Variants in BCR observed in about 807,000 individuals in gnomAD.
BCR encodes the protein breakpoint cluster region protein.
Under a neutral mutation model 138.6 loss-of-function variants are expected in BCR, and 58 were observed. The observed-to-expected ratio is 0.42, with a 90% confidence interval of 0.34 to 0.52. The LOEUF is 0.52. BCR is among the 20% of genes least tolerant of loss of function. The pLI, the probability that BCR is intolerant of heterozygous loss-of-function variation, is 0.06. For synonymous variants in BCR, 786 were observed against 730.1 expected, an observed-to-expected ratio of 1.08 and a Z score of -1.23; for missense variants, 1,599 against 1,727.2, an observed-to-expected ratio of 0.93 and a Z score of 1.32.
chr22:23,242,487 G>A (rs1449228206), intron 1 of BCR, among the ~76,000 whole-genome samples: 1 of 152,150 alleles, frequency 6.6e-6, no homozygotes, highest in African/African-American at 2.4e-5. Flanking sequence ...GCCATCCGGT[G>A]TATTTTGGGA....
intron 1 of BCR, among the ~76,000 whole-genome samples, chr22:23,219,504 A>G (rs1287722493): frequency 2.6e-5 from 4 of 152,044 alleles, no homozygotes; most frequent in Admixed American, 6.5e-5. Context: ...CCACTATTGC[A>G]TGGCCAGATT....
intron 1 of BCR, among the ~76,000 whole-genome samples, chr22:23,252,427 C>CTT (rs371986661): frequency 0.022 from 2,614 of 119,056 alleles, 158 homozygotes; most frequent in African/African-American, 0.053. Flanking sequence ...TTTTTCTTTT[C>CTT]TTTTCTTTTT....
Position 23,181,091 on chromosome 22 carries a change from G to A in BCR, c.131G>A (p.Arg44His), listed in dbSNP as rs1356513072. Residue 44 changes from arginine (R) to histidine (H), a missense_variant, in exon 1 of 23, where the codon CGC becomes CAC. Physicochemically the swap from Arg to His is conservative, Grantham distance 29. Transcript: ENST00000305877. ...ELERCKASIRRLEQEVNQERF... is the reference protein window; with the variant it reads ...ELERCKASIRHLEQEVNQERF... ...GAGCGCTGCAAGGCCTCCATTCGGC[G>A]CCTGGAGCAGGAGGTGAACCAGGAG... 13 of 1,514,142 alleles carry A rather than the reference G, an allele frequency of 8.6e-6. No homozygotes were observed. Among genetic ancestry groups the A allele is most frequent in the Middle Eastern group, 1.8e-4 (1 of 5,708 alleles). The allele number at this position is 1,514,142 out of a possible 1,614,324, so 93.8% of individuals were successfully genotyped here.
intron 1 of BCR, among the ~76,000 whole-genome samples, chr22:23,232,201 A>C (rs1403808472): frequency 3.9e-5 from 6 of 152,348 alleles, no homozygotes; most frequent in African/African-American, 1.4e-4. Context: ...CAGGACCCCA[A>C]GTGCTCTAGG....
At chr22:23,263,882 A>G in intron 4 of BCR, 1 of 958,490 alleles carries the variant, frequency 1.0e-6, no homozygotes, top group Non-Finnish European at 1.7e-6. Flanking sequence ...CTATCAGGCC[A>G]TTACTCAGCT....
At chr22:23,275,607 C>T (rs747235994) in intron 8 of BCR, among the ~76,000 whole-genome samples, 42 of 152,294 alleles carry the variant, frequency 2.8e-4, no homozygotes, top group Middle Eastern at 3.4e-3. Context: ...GAGCAACAAC[C>T]GGGCCCTGCC....
At position 23,268,403 on chromosome 22, in the gene BCR, C is replaced by CT. The variant is rs1345002695; in HGVS notation, c.1753-4dup. 1.0e-5 allele frequency: 16 copies of CT among 1,607,366 alleles called. No homozygotes were observed. Among genetic ancestry groups the CT allele is most frequent in the African/African-American group, 2.7e-5 (2 of 74,792 alleles). On this transcript the variant is annotated splice_polypyrimidine_tract_variant and splice_region_variant and intron_variant, in intron 4 of 22. Coordinates refer to ENST00000305877, the MANE Select transcript of BCR (RefSeq NM_004327.4). The stretch of plus-strand genomic sequence containing the variant: ...TCCCACTCTCTCTTCCTTCCTCCCC[C>CT]TCAGGCCAGCCAGCTGGGTGTGTAC...
At chr22:23,303,523 C>T (rs565267452) in intron 16 of BCR, among the ~76,000 whole-genome samples, 1 of 152,322 alleles carries the variant, frequency 6.6e-6, no homozygotes, top group Non-Finnish European at 1.5e-5. Flanking sequence ...GCAGAGGCAC[C>T]AATAGGAGAG....
At chr22:23,226,012 T>G (rs1208996075) in intron 1 of BCR, among the ~76,000 whole-genome samples, 2 of 152,242 alleles carry the variant, frequency 1.3e-5, no homozygotes, top group African/African-American at 4.8e-5. Context: ...GGCACCCTCC[T>G]GTGCCCACAT....
intron 8 of BCR, among the ~76,000 whole-genome samples, chr22:23,274,131 G>A (rs937945036): frequency 6.6e-6 from 1 of 152,192 alleles, no homozygotes; most frequent in Non-Finnish European, 1.5e-5. Context: ...GTGAGTAGGA[G>A]GATGGCATTT....
intron 1 of BCR, among the ~76,000 whole-genome samples, chr22:23,228,508 C>T (rs546802292): frequency 4.4e-4 from 67 of 152,300 alleles, no homozygotes; most frequent in Non-Finnish European, 8.4e-4. Flanking sequence ...AACAACAAAA[C>T]ATACTACCTT....
At chr22:23,221,307 C>T (rs1443343825) in intron 1 of BCR, among the ~76,000 whole-genome samples, 1 of 152,146 alleles carries the variant, frequency 6.6e-6, no homozygotes, top group Non-Finnish European at 1.5e-5. Context: ...CTTTGCTTTG[C>T]AGAGGAGCCA....
intron 19 of BCR, 24 bp from the exon 20 acceptor site, chr22:23,312,863 G>A (rs745912650): frequency 1.7e-5 from 27 of 1,595,636 alleles, no homozygotes; most frequent in Non-Finnish European, 2.1e-5. Context: ...CAAGGAGGCC[G>A]CTGCATTTCC....
chr22:23,185,838 C>G (rs1381989581), intron 1 of BCR, among the ~76,000 whole-genome samples: 1 of 151,668 alleles, frequency 6.6e-6, no homozygotes, highest in African/African-American at 2.4e-5. Flanking sequence ...ACACCATTCT[C>G]CTGCCTCAGC....
At position 23,294,941 on chromosome 22, in the gene BCR, A is replaced by G. The variant is rs1289619179; in HGVS notation, c.2881-83A>G. Reference sequence around the variant, plus strand: ...CTCTGGGCCAGCAAGGGCAGCAGGGAGAGCCCCGGTTCAGAGGACCCTTCA... The same window carrying G: ...CTCTGGGCCAGCAAGGGCAGCAGGGGGAGCCCCGGTTCAGAGGACCCTTCA... On this transcript the variant is annotated intron_variant, in intron 15 of 22. Coordinates refer to ENST00000305877, the MANE Select transcript of BCR (RefSeq NM_004327.4). The G allele has an allele frequency of 4.6e-6, 7 of 1,532,472 alleles. No individual in the cohort carries two copies. In the East Asian group the frequency reaches 6.8e-5, roughly 15 times the overall value. The allele number at this position is 1,532,472 out of a possible 1,614,324, so 94.9% of individuals were successfully genotyped here.
intron 10 of BCR, among the ~76,000 whole-genome samples, chr22:23,286,868 G>A (rs999911779): frequency 6.6e-6 from 1 of 152,204 alleles, no homozygotes; most frequent in African/African-American, 2.4e-5. Flanking sequence ...AGGGATGTTG[G>A]TAAAAGTTTC....
At chr22:23,299,019 C>CA (rs1568980373) in intron 16 of BCR, among the ~76,000 whole-genome samples, 1 of 152,156 alleles carries the variant, frequency 6.6e-6, no homozygotes, top group Non-Finnish European at 1.5e-5. Context: ...TTTTTTGAGA[C>CA]AGAGTCTGGC....
At chr22:23,285,745 G>A (rs920875324) in intron 10 of BCR, among the ~76,000 whole-genome samples, 2 of 152,198 alleles carry the variant, frequency 1.3e-5, no homozygotes, top group Non-Finnish European at 2.9e-5. Context: ...TACAGGTTTT[G>A]GACAAGGAGG....
At chr22:23,294,282 CAT>C (rs1219065636) in intron 15 of BCR, among the ~76,000 whole-genome samples, 2 of 152,164 alleles carry the variant, frequency 1.3e-5, no homozygotes, top group African/African-American at 2.4e-5. Context: ...TGGTGTTACA[CAT>C]GTTATGTGTT....
Sources: allele counts gnomAD v4.1 joint callset (sites outside exome capture counted in the v4.1 genomes callset), GRCh38; gene constraint gnomAD v4.1.1; transcripts MANE v1.5; gene names NCBI Gene and HGNC (gene_info 2026-07-23, HGNC 2026-07-21).